Variants in CHERP observed in about 807,000 individuals in gnomAD.
CHERP encodes the protein calcium homeostasis endoplasmic reticulum protein.
CHERP carries 8 observed loss-of-function variants against 113.8 expected under a neutral mutation model. That is an observed-to-expected ratio of 0.07 (90% CI 0.04 to 0.13). The LOEUF (loss-of-function observed/expected upper bound fraction) is 0.13. Ranked by LOEUF, CHERP falls within the 10% of genes least tolerant of loss-of-function variation. CHERP has a pLI of 1.00. For synonymous variants in CHERP, 559 were observed against 524.5 expected (o/e 1.07, Z -0.90); for missense variants, 884 against 1,298.2 (o/e 0.68, Z 4.90).
In CHERP at chr19:16,520,986, G is replaced by A; in HGVS notation, c.2115-74C>T. 7.7e-7 allele frequency: 1 copy of A among 1,290,884 alleles called. No individual in the cohort carries two copies. Among genetic ancestry groups the A allele is most frequent in the East Asian group, 2.3e-5 (1 of 43,424 alleles). The allele number at this position is 1,290,884 out of a possible 1,614,324, so 80.0% of individuals were successfully genotyped here. A position where few individuals can be genotyped will look rare whatever the true frequency, so the allele number is the denominator to read the frequency against. ...GGAAGTCGTGAAAAAGTCATCAGGA[G>A]TTAATCCACAGAACCTTGGAGAGTA... On this transcript the variant is annotated intron_variant, in intron 12 of 16. Transcript: ENST00000546361. This position sits in a 1 kb window ranked among gnomAD's most constrained non-coding sequence, Gnocchi z 4.0.
At chr19:16,537,733 G>GT (rs2085751215) in intron 2 of CHERP, among the ~76,000 whole-genome samples, 2 of 151,924 alleles carry the variant, frequency 1.3e-5, no homozygotes, top group African/African-American at 4.8e-5. Context: ...CCCAGAACCG[G>GT]TCTTCCTGCA....
rs2122268276 is a variant in CHERP, at chr19:16,530,522, CAAACCCTCCTGGG to C, written c.876+50_876+62del. Reference sequence around the variant, plus strand: ...GTGGCAGCTGCTGTCCCCACACTCCCAAACCCTCCTGGGGAACCCGCCCCAGCTCTAGGGTGAG... The same window carrying C: ...GTGGCAGCTGCTGTCCCCACACTCCCGAACCCGCCCCAGCTCTAGGGTGAG... On this transcript the variant is annotated intron_variant, in intron 7 of 16. Coordinates refer to ENST00000546361, the MANE Select transcript of CHERP (RefSeq NM_006387.6). The surrounding 1 kb of genome is among the most constrained non-coding windows in gnomAD (Gnocchi z 4.1). The C allele has an allele frequency of 6.6e-7, 1 of 1,523,848 alleles. No homozygotes were observed. The highest frequency in any genetic ancestry group is 2.3e-5 in the East Asian group (1 of 44,350). 94.4% of individuals were successfully genotyped at this position (1,523,848 alleles called of 1,614,324 possible). A position where few individuals can be genotyped will look rare whatever the true frequency, so the allele number is the denominator to read the frequency against.
At chr19:16,524,350 T>C (rs1415610620) in intron 10 of CHERP, among the ~76,000 whole-genome samples, 1 of 151,680 alleles carries the variant, frequency 6.6e-6, no homozygotes, top group East Asian at 1.9e-4. Flanking sequence ...AGGTCAGGAG[T>C]TCGAGACCAG....
intron 10 of CHERP, among the ~76,000 whole-genome samples, chr19:16,524,684 T>G (rs2085644648): frequency 6.6e-6 from 1 of 151,986 alleles, no homozygotes; most frequent in South Asian, 2.1e-4. Context: ...GCTCAGGAGT[T>G]TGAAAGTAGC....
rs1288111981 is a variant in CHERP, at chr19:16,530,909, G to C, written c.675-29C>G. ...TGAGGGAGAGACTTTCCGCGCGTCA[G>C]GGCCCTGGGGCGGGACCCGGCCACG... On this transcript the variant is annotated intron_variant, in intron 5 of 16. Coordinates refer to ENST00000546361, the MANE Select transcript of CHERP (RefSeq NM_006387.6). This position sits in a 1 kb window ranked among gnomAD's most constrained non-coding sequence, Gnocchi z 4.1. 1 of 1,606,012 alleles carries C rather than the reference G, an allele frequency of 6.2e-7. No individual in the cohort carries two copies. The highest frequency in any genetic ancestry group is 1.3e-5 in the African/African-American group (1 of 74,824).
Position 16,532,863 on chromosome 19 carries a change from G to A in CHERP, c.523-114C>T, listed in dbSNP as rs2085716178. 1 of 1,532,742 alleles carries A rather than the reference G, an allele frequency of 6.5e-7. No individual in the cohort carries two copies. The highest frequency in any genetic ancestry group is 8.8e-7 in the Non-Finnish European group (1 of 1,134,598). 94.9% of individuals were successfully genotyped at this position (1,532,742 alleles called of 1,614,324 possible). On this transcript the variant is annotated intron_variant, in intron 4 of 16. Transcript: ENST00000546361. The surrounding 1 kb of genome is among the most constrained non-coding windows in gnomAD (Gnocchi z 4.4). ...AGGGAAGGACACACCATGAGCGTGG[G>A]GGGCACAGGGTCCCACAGCCTCAGG... is the stretch of plus-strand genomic sequence containing the variant.
rs1203570459 is a variant in CHERP, at chr19:16,519,357, A to C, written c.2558-5T>G. 3 of 1,609,036 alleles carry C rather than the reference A, an allele frequency of 1.9e-6. No individual in the cohort carries two copies. The highest frequency in any genetic ancestry group is 2.2e-5 in the East Asian group (1 of 44,852). On this transcript the variant is annotated splice_polypyrimidine_tract_variant and splice_region_variant and intron_variant, in intron 16 of 16. Coordinates refer to ENST00000546361, the MANE Select transcript of CHERP (RefSeq NM_006387.6). This position sits in a 1 kb window ranked among gnomAD's most constrained non-coding sequence, Gnocchi z 6.0. ...GGCCGCCTGAGCCGCTCCAGCCTGG[A>C]AACAGAGACGCAGTCACAACCACAA...
At chr19:16,537,366 C>A (rs2085748419) in intron 2 of CHERP, among the ~76,000 whole-genome samples, 2 of 152,132 alleles carry the variant, frequency 1.3e-5, no homozygotes, top group African/African-American at 2.4e-5. Context: ...CTGTCCTCCG[C>A]TCTACGCAAC....
rs1203544312 is a variant in CHERP, at chr19:16,525,184, T to C, written c.1741+58A>G. The C allele has an allele frequency of 2.2e-6, 3 of 1,368,756 alleles. No individual in the cohort carries two copies. The highest frequency in any genetic ancestry group is 2.9e-6 in the Non-Finnish European group (3 of 1,051,488). 84.8% of individuals were successfully genotyped at this position (1,368,756 alleles called of 1,614,324 possible). A position where few individuals can be genotyped will look rare whatever the true frequency, so the allele number is the denominator to read the frequency against. ...GCCACAAGCAGCGCCACCAGCCTGC[T>C]CGGCAGGCGAGCCGTGGATGCCTCC... On this transcript the variant is annotated intron_variant, in intron 10 of 16. Transcript: ENST00000546361. This position sits in a 1 kb window ranked among gnomAD's most constrained non-coding sequence, Gnocchi z 6.5.
chr19:16,520,498 C>G lies in CHERP; in HGVS notation c.2211G>C (p.Ser737=), dbSNP rs529370662. Reference sequence around the variant, plus strand: ...GACTCTTGGATCTGCTCCGAGACCTCGAGGGTCCGCTGTGGGGAGAGGCCT... The same window carrying G: ...GACTCTTGGATCTGCTCCGAGACCTGGAGGGTCCGCTGTGGGGAGAGGCCT... The part of the protein sequence containing the change: ...KGQEKRNSGP[S]RSRSRSKSRG... Residue 737 remains serine (S), a synonymous_variant, in exon 14 of 17, where the codon TCG becomes TCC. Transcript: ENST00000546361. The surrounding 1 kb of genome is among the most constrained non-coding windows in gnomAD (Gnocchi z 4.0). 6.2e-7 allele frequency: 1 copy of G among 1,612,988 alleles called. No homozygotes were observed. The highest frequency in any genetic ancestry group is 1.1e-5 in the South Asian group (1 of 90,890).
chr19:16,530,707 TG>T lies in CHERP; in HGVS notation c.787-34del, dbSNP rs962501177. 5 of 1,613,778 alleles carry T rather than the reference TG, an allele frequency of 3.1e-6. No homozygotes were observed. The African/African-American group carries it at 6.7e-5, about 22-fold the overall frequency. On this transcript the variant is annotated intron_variant, in intron 6 of 16. Transcript: ENST00000546361. The surrounding 1 kb of genome is among the most constrained non-coding windows in gnomAD (Gnocchi z 4.1). ...TGGGAGGAGAGAGAGGCCGGGTCAG[TG>T]GGGAGGGGAAAGGCCTGTGTGTCCC...
Position 16,520,616 on chromosome 19 carries a change from A to C in CHERP, c.2202-109T>G, listed in dbSNP as rs965237337. ...CCAGATGCAGGGGCTCTGGCTGTGGATGTGGCGCCATAGCCACAGCAACGG... is the reference window on the plus strand; with the variant it reads ...CCAGATGCAGGGGCTCTGGCTGTGGCTGTGGCGCCATAGCCACAGCAACGG... On this transcript the variant is annotated intron_variant, in intron 13 of 16. Coordinates refer to ENST00000546361, the MANE Select transcript of CHERP (RefSeq NM_006387.6). The surrounding 1 kb of genome is among the most constrained non-coding windows in gnomAD (Gnocchi z 4.0). The C allele has an allele frequency of 4.6e-6, 6 of 1,311,830 alleles. No individual in the cohort carries two copies. In the South Asian group the frequency reaches 6.7e-5, roughly 15 times the overall value. 81.3% of individuals were successfully genotyped at this position (1,311,830 alleles called of 1,614,324 possible).
Position 16,519,053 on chromosome 19 carries a change from G to A in CHERP, c.*106C>T. ...CTTCCTGTGGCTCTCCACAAGTGGA[G>A]ACGGTGTAAGAACTGAGCTGTCACT... On this transcript the variant is annotated 3_prime_UTR_variant, in exon 17 of 17. Coordinates refer to ENST00000546361, the MANE Select transcript of CHERP (RefSeq NM_006387.6). This position sits in a 1 kb window ranked among gnomAD's most constrained non-coding sequence, Gnocchi z 6.0. 9.9e-7 allele frequency: 1 copy of A among 1,007,630 alleles called. No individual in the cohort carries two copies. Among genetic ancestry groups the A allele is most frequent in the Non-Finnish European group, 1.5e-6 (1 of 684,652 alleles). The allele number at this position is 1,007,630 out of a possible 1,614,324, so 62.4% of individuals were successfully genotyped here.
chr19:16,537,453 C>T (rs968308620), intron 2 of CHERP, among the ~76,000 whole-genome samples: 4 of 152,098 alleles, frequency 2.6e-5, no homozygotes, highest in Non-Finnish European at 5.9e-5. Flanking sequence ...CATCTCCATT[C>T]TGGATTCCTG....
At position 16,530,321 on chromosome 19, in the gene CHERP, A is replaced by C. The variant is rs1032837212; in HGVS notation, c.876+264T>G. Among the ~76,000 whole-genome samples the C allele has an allele frequency of 6.6e-6, 1 of 152,160 alleles. No individual in the cohort carries two copies. The highest frequency in any genetic ancestry group is 1.5e-5 in the Non-Finnish European group (1 of 68,026). ...CTTCCACCACACCGGAACATGCCTG[A>C]CCACCAGAGCAAATGGGCCATGTGC... On this transcript the variant is annotated intron_variant, in intron 7 of 16. Transcript: ENST00000546361. This position sits in a 1 kb window ranked among gnomAD's most constrained non-coding sequence, Gnocchi z 4.1.
At position 16,535,408 on chromosome 19, in the gene CHERP, A is replaced by AG; in HGVS notation, c.384+43dup. 6.3e-7 allele frequency: 1 copy of AG among 1,583,042 alleles called. No homozygotes were observed. The highest frequency in any genetic ancestry group is 8.6e-7 in the Non-Finnish European group (1 of 1,164,840). On this transcript the variant is annotated intron_variant, in intron 3 of 16. Coordinates refer to ENST00000546361, the MANE Select transcript of CHERP (RefSeq NM_006387.6). The surrounding 1 kb of genome is among the most constrained non-coding windows in gnomAD (Gnocchi z 4.3). ...TGAGCAGACGCAAAAACAGAGGCAC[A>AG]GGGGAGCTGCTGGTGTCTGGCCGAG...
Position 16,519,553 on chromosome 19 carries a change from C to T in CHERP, c.2557+68G>A, listed in dbSNP as rs1056463500. 9.9e-6 allele frequency: 14 copies of T among 1,415,626 alleles called. No homozygotes were observed. Among genetic ancestry groups the T allele is most frequent in the South Asian group, 2.3e-5 (2 of 86,606 alleles). The allele number at this position is 1,415,626 out of a possible 1,614,324, so 87.7% of individuals were successfully genotyped here. A position where few individuals can be genotyped will look rare whatever the true frequency, so the allele number is the denominator to read the frequency against. ...CCCACATGCACTGAGGAAGAGAAAGCGCTGGTGACTCCCGGGCCCAGCACG... is the reference window on the plus strand; with the variant it reads ...CCCACATGCACTGAGGAAGAGAAAGTGCTGGTGACTCCCGGGCCCAGCACG... On this transcript the variant is annotated intron_variant, in intron 16 of 16. Transcript: ENST00000546361. This position sits in a 1 kb window ranked among gnomAD's most constrained non-coding sequence, Gnocchi z 6.0.
rs1233393893 is a variant in CHERP at position 16,529,993 on chromosome 19, T to C, written c.877-93A>G. On this transcript the variant is annotated intron_variant, in intron 7 of 16. Coordinates refer to ENST00000546361, the MANE Select transcript of CHERP (RefSeq NM_006387.6). ...CAAACGCCTGGAAAGCAGCAGAGCC[T>C]GGGGGACCTGGGGCAGGTGGACAGG... 6 of 1,469,654 alleles carry C rather than the reference T, an allele frequency of 4.1e-6. No homozygotes were observed. In the East Asian group the frequency reaches 9.9e-5, roughly 24 times the overall value. 91.0% of individuals were successfully genotyped at this position (1,469,654 alleles called of 1,614,324 possible).
Position 16,525,279 on chromosome 19 carries a change from G to T in CHERP, c.1704C>A (p.Pro568=), listed in dbSNP as rs1436027310. The T allele has an allele frequency of 7.0e-7, 1 of 1,436,534 alleles. No individual in the cohort carries two copies. The highest frequency in any genetic ancestry group is 1.5e-5 in the African/African-American group (1 of 67,518). The allele number at this position is 1,436,534 out of a possible 1,614,324, so 89.0% of individuals were successfully genotyped here. A position where few individuals can be genotyped will look rare whatever the true frequency, so the allele number is the denominator to read the frequency against. The change falls in exon 10 of 17, where the codon CCC becomes CCA. Residue 568 remains proline (P), a synonymous_variant. Coordinates refer to ENST00000546361, the MANE Select transcript of CHERP (RefSeq NM_006387.6). The surrounding 1 kb of genome is among the most constrained non-coding windows in gnomAD (Gnocchi z 6.5). ...PRHPFERPPY[P]HRFDYPQGDF... is the part of the protein sequence containing the mutation. ...CCCCCTGGGGGTAGTCGAAGCGGTG[G>T]GGATAGGGCGGCCGCTCGAAGGGGT...
Sources: gnomAD v4.1 joint callset for allele counts (sites outside exome capture counted in the v4.1 genomes callset) on GRCh38, gnomAD v4.1.1 for gene constraint, Gnocchi (gnomAD v3.1) non-coding constraint, MANE v1.5 for transcripts, NCBI Gene and HGNC (gene_info 2026-07-23, HGNC 2026-07-21) for gene names.